Variants in TAFA2 observed in about 807,000 individuals in gnomAD.
TAFA2 encodes TAFA chemokine like family member 2, also known as chemokine-like protein TAFA-2.
In TAFA2, 7 loss-of-function variants were observed where a neutral mutation model predicts 18.8. The observed-to-expected ratio is 0.37, with a 90% confidence interval of 0.21 to 0.70. The LOEUF is 0.70. TAFA2 is among the 30% of genes least tolerant of loss of function. TAFA2 has a pLI of 0.53. For synonymous variants in TAFA2, 60 were observed against 54.2 expected, an observed-to-expected ratio of 1.11 and a Z score of -0.47; for missense variants, 122 against 158.1, an observed-to-expected ratio of 0.77 and a Z score of 1.23.
At chr12:61,714,896 G>A (rs1289754765) in intron 4 of TAFA2, among the ~76,000 whole-genome samples, 1 of 152,192 alleles carries the variant, frequency 6.6e-6, no homozygotes, top group Non-Finnish European at 1.5e-5. Flanking sequence ...GAGGCATAAC[G>A]ACAAATAGCT....
At position 62,018,781 on chromosome 12, in the gene TAFA2, A is replaced by C. The variant is rs536309130; in HGVS notation, c.-1-151355T>G. On this transcript the variant is annotated intron_variant, in intron 1 of 4. Transcript: ENST00000416284. ...GGGCATGGGCAAGGACTTCATGTCT[A>C]AAACAACAAAAGCAATGGCAACAAA... 1.3e-4 allele frequency among the ~76,000 whole-genome samples: 20 copies of C among 152,352 alleles called. No individual in the cohort carries two copies. In the East Asian group the frequency reaches 3.5e-3, roughly 26 times the overall value.
chr12:61,738,215 C>T (rs1297474819), intron 4 of TAFA2, among the ~76,000 whole-genome samples: 1 of 151,210 alleles, frequency 6.6e-6, no homozygotes, highest in East Asian at 2.0e-4. Flanking sequence ...TTTCCTGCTG[C>T]AACAACCACT....
At chr12:62,153,141 A>G (rs1372173861) in intron 1 of TAFA2, among the ~76,000 whole-genome samples, 5 of 152,250 alleles carry the variant, frequency 3.3e-5, no homozygotes, top group Non-Finnish European at 4.4e-5. Flanking sequence ...ATGATGCATG[A>G]GAGTGGCTGG....
intron 1 of TAFA2, among the ~76,000 whole-genome samples, chr12:62,047,039 A>G (rs1190594330): frequency 6.6e-6 from 1 of 152,106 alleles, no homozygotes; most frequent in African/African-American, 2.4e-5. Flanking sequence ...GAAAATGTGC[A>G]TCAGAAAATG....
chr12:61,959,846 A>T (rs1156993270), intron 1 of TAFA2, among the ~76,000 whole-genome samples: 4 of 152,040 alleles, frequency 2.6e-5, no homozygotes, highest in African/African-American at 4.8e-5. Context: ...GTTTATCAAA[A>T]GTCCTACTGC....
At chr12:61,971,973 T>C (rs777069728) in intron 1 of TAFA2, among the ~76,000 whole-genome samples, 5 of 151,692 alleles carry the variant, frequency 3.3e-5, no homozygotes, top group Non-Finnish European at 7.4e-5. Context: ...TAAACAGCCA[T>C]TGTAAATTGA....
intron 1 of TAFA2, among the ~76,000 whole-genome samples, chr12:62,217,044 T>C (rs1332565550): frequency 1.3e-5 from 2 of 152,238 alleles, no homozygotes; most frequent in East Asian, 1.9e-4. Flanking sequence ...GTATCTTATA[T>C]GTCTCTCCGC....
chr12:61,927,268 T>C (rs1219442755), intron 1 of TAFA2, among the ~76,000 whole-genome samples: 2 of 152,014 alleles, frequency 1.3e-5, no homozygotes, highest in Non-Finnish European at 2.9e-5. Flanking sequence ...GAAAAACCCA[T>C]CGTCTCAGCC....
intron 2 of TAFA2, among the ~76,000 whole-genome samples, chr12:61,816,030 T>C (rs796833736): frequency 2.0e-5 from 3 of 151,404 alleles, no homozygotes; most frequent in African/African-American, 7.4e-5. Context: ...AATTTTATTT[T>C]TAAACTTTTA....
chr12:62,175,922 T>TA (rs1490636670), intron 1 of TAFA2, among the ~76,000 whole-genome samples: 35 of 150,258 alleles, frequency 2.3e-4, no homozygotes, highest in African/African-American at 6.1e-4. Flanking sequence ...TCTCATCTAT[T>TA]AAAAAAAAAG....
At chr12:61,944,381 C>A (rs1235609469) in intron 1 of TAFA2, among the ~76,000 whole-genome samples, 1 of 144,722 alleles carries the variant, frequency 6.9e-6, no homozygotes, top group Admixed American at 6.8e-5. Context: ...ACCCTAACAT[C>A]ACAATTAAAA....
chr12:61,934,494 G>T (rs893052385), intron 1 of TAFA2, among the ~76,000 whole-genome samples: 2 of 152,228 alleles, frequency 1.3e-5, no homozygotes, highest in Non-Finnish European at 1.5e-5. Flanking sequence ...AACATCAACT[G>T]AAATCAAGAT....
intron 2 of TAFA2, among the ~76,000 whole-genome samples, chr12:61,793,818 T>C (rs1871082282): frequency 6.6e-6 from 1 of 151,850 alleles, no homozygotes; most frequent in Non-Finnish European, 1.5e-5. Flanking sequence ...ATATCCCACA[T>C]AAACATAGAT....
intron 2 of TAFA2, among the ~76,000 whole-genome samples, chr12:61,834,851 C>T (rs1872855099): frequency 6.6e-6 from 1 of 151,956 alleles, no homozygotes; most frequent in African/African-American, 2.4e-5. Flanking sequence ...GATAATATTG[C>T]ATAACTTATT....
chr12:61,997,773 C>G (rs1486640289), intron 1 of TAFA2, among the ~76,000 whole-genome samples: 1 of 151,696 alleles, frequency 6.6e-6, no homozygotes, highest in Non-Finnish European at 1.5e-5. Context: ...GTGGAGGGAC[C>G]TGTTAGTTCC....
intron 1 of TAFA2, among the ~76,000 whole-genome samples, chr12:62,101,183 T>G (rs1439471043): frequency 6.6e-6 from 1 of 152,002 alleles, no homozygotes; most frequent in Admixed American, 6.6e-5. Context: ...ACCCCTCAAA[T>G]ATAAGAACAG....
intron 1 of TAFA2, among the ~76,000 whole-genome samples, chr12:62,041,152 T>C (rs2136759392): frequency 6.6e-6 from 1 of 152,310 alleles, no homozygotes; most frequent in East Asian, 1.9e-4. Flanking sequence ...ATTATAAGCC[T>C]GCAGGCATTA....
chr12:61,897,936 T>C (rs1875925455), intron 1 of TAFA2, among the ~76,000 whole-genome samples: 1 of 152,202 alleles, frequency 6.6e-6, no homozygotes, highest in African/African-American at 2.4e-5. Context: ...AAAAGCAAGT[T>C]AGTTACTTCC....
intron 1 of TAFA2, among the ~76,000 whole-genome samples, chr12:61,902,091 T>TAAAAAAAAAAAAA (rs750989820): frequency 3.2e-4 from 37 of 116,430 alleles, no homozygotes; most frequent in African/African-American, 1.3e-3. Context: ...GCAGGAATGT[T>TAAAAAAAAAAAAA]AAAAAAAAAA....
Sources: allele counts gnomAD v4.1 joint callset (sites outside exome capture counted in the v4.1 genomes callset), GRCh38; gene constraint gnomAD v4.1.1; transcripts MANE v1.5; gene names NCBI Gene and HGNC (gene_info 2026-07-23, HGNC 2026-07-21).